RNF217: variants seen among roughly 807,000 people sequenced by gnomAD.
RNF217 encodes E3 ubiquitin-protein ligase RNF217.
Under a neutral mutation model 57.8 loss-of-function variants are expected in RNF217, and 31 were observed. The ratio of observed to expected loss-of-function variants is 0.54; its 90% CI spans 0.40 to 0.72. The LOEUF (loss-of-function observed/expected upper bound fraction) is 0.72, where lower values mean the gene tolerates loss of function less well. RNF217 is among the 30% of genes least tolerant of loss of function. RNF217 has a pLI of 0.00. For missense variants in RNF217, 696 were observed against 708.3 expected (o/e 0.98, Z 0.20); for synonymous variants, 313 against 294.0 (o/e 1.06, Z -0.66).
chr6:124,995,306 A>G (rs1016279215), intron 1 of RNF217, among the ~76,000 whole-genome samples: 3 of 152,222 alleles, frequency 2.0e-5, no homozygotes, highest in African/African-American at 7.2e-5. Context: ...ACAATATTGA[A>G]GGCCATCCTG....
chr6:125,009,268 A>C, intron 1 of RNF217: 1 of 1,608,980 alleles, frequency 6.2e-7, no homozygotes, highest in Non-Finnish European at 8.5e-7. Context: ...AAACCAGTTC[A>C]AGAAAGGGAT....
chr6:125,037,646 C>T (rs1786694793), intron 1 of RNF217, among the ~76,000 whole-genome samples: 1 of 152,120 alleles, frequency 6.6e-6, no homozygotes, highest in South Asian at 2.1e-4. Context: ...GTGAGGCGGA[C>T]ATCAGTGAGT....
At chr6:125,046,794 T>A (rs1034869300) in intron 2 of RNF217, 40 of 358,526 alleles carry the variant, frequency 1.1e-4, no homozygotes, top group Non-Finnish European at 2.2e-4. Flanking sequence ...TGTAGGTTAG[T>A]CAAAGCTTCT....
chr6:125,005,402 A>T (rs768942521), intron 1 of RNF217, among the ~76,000 whole-genome samples: 1 of 152,228 alleles, frequency 6.6e-6, no homozygotes, highest in African/African-American at 2.4e-5. Context: ...CTTGCATAAC[A>T]TAAGGGTACA....
chr6:125,061,630 T>G (rs968382150), intron 3 of RNF217, among the ~76,000 whole-genome samples: 10 of 151,022 alleles, frequency 6.6e-5, no homozygotes, highest in Admixed American at 1.3e-4. Flanking sequence ...TAGGTTTTCG[T>G]TTTTTTTTAA....
chr6:124,977,623 G>T (rs1784014175), intron 1 of RNF217, among the ~76,000 whole-genome samples: 1 of 152,128 alleles, frequency 6.6e-6, no homozygotes, highest in South Asian at 2.1e-4. Context: ...GAGCTCTGTT[G>T]GTTTGCTTAG....
intron 3 of RNF217, among the ~76,000 whole-genome samples, chr6:125,068,853 A>T (rs1402494674): frequency 6.6e-6 from 1 of 152,160 alleles, no homozygotes; most frequent in Admixed American, 6.5e-5. Context: ...TTTGGTAAAT[A>T]TGAAAAGGTG....
chr6:125,006,775 C>G (rs1269173647), intron 1 of RNF217, among the ~76,000 whole-genome samples: 1 of 152,144 alleles, frequency 6.6e-6, no homozygotes, highest in Non-Finnish European at 1.5e-5. Context: ...ATGGTGAAAC[C>G]CCATCTCTAC....
intron 1 of RNF217, among the ~76,000 whole-genome samples, chr6:125,029,896 T>C (rs754719183): frequency 6.6e-6 from 1 of 152,110 alleles, no homozygotes; most frequent in Admixed American, 6.5e-5. Flanking sequence ...TAGGGCTTAG[T>C]TTACTTGGGA....
intron 4 of RNF217, among the ~76,000 whole-genome samples, chr6:125,077,065 T>TG (rs1453648828): frequency 6.6e-6 from 1 of 152,192 alleles, no homozygotes; most frequent in African/African-American, 2.4e-5. Flanking sequence ...TAATTTTGTT[T>TG]GAAAAAGCAG....
intron 1 of RNF217, among the ~76,000 whole-genome samples, chr6:124,975,998 G>C (rs1157387284): frequency 6.6e-6 from 1 of 151,676 alleles, no homozygotes; most frequent in Non-Finnish European, 1.5e-5. Flanking sequence ...AAAACAATAG[G>C]CTCCTAAAAT....
At chr6:124,987,089 A>G (rs2115031363) in intron 1 of RNF217, among the ~76,000 whole-genome samples, 1 of 152,282 alleles carries the variant, frequency 6.6e-6, no homozygotes, top group Admixed American at 6.5e-5. Flanking sequence ...GACGTTTTTT[A>G]TACGATTCTT....
chr6:125,074,491 T>A (rs1258801580), intron 3 of RNF217, among the ~76,000 whole-genome samples: 1 of 152,216 alleles, frequency 6.6e-6, no homozygotes, highest in African/African-American at 2.4e-5. Context: ...AATTGCAGTT[T>A]TATATTTTAG....
intron 1 of RNF217, among the ~76,000 whole-genome samples, chr6:124,974,329 C>A (rs1287894758): frequency 6.6e-6 from 1 of 152,126 alleles, no homozygotes; most frequent in African/African-American, 2.4e-5. Flanking sequence ...TTTGTCTTTT[C>A]AATCATTTAA....
chr6:124,963,462 C>T, intron 1 of RNF217, 36 bp downstream of exon 1: 1 of 1,436,010 alleles, frequency 7.0e-7, no homozygotes. Context: ...ATTTATCATT[C>T]CAAATCACTG....
At chr6:125,018,971 A>G (rs774331466) in intron 1 of RNF217, among the ~76,000 whole-genome samples, 64 of 152,288 alleles carry the variant, frequency 4.2e-4, no homozygotes, top group South Asian at 8.3e-4. Context: ...ATACACCTCC[A>G]GGCATAAAAC....
At chr6:125,082,407 T>C in intron 5 of RNF217, 1 of 1,531,374 alleles carries the variant, frequency 6.5e-7, no homozygotes. Flanking sequence ...GCAATGTGAG[T>C]TAGGACATTA....
At chr6:124,976,749 C>T (rs1016075090) in intron 1 of RNF217, among the ~76,000 whole-genome samples, 15 of 152,230 alleles carry the variant, frequency 9.9e-5, no homozygotes, top group African/African-American at 3.6e-4. Context: ...AAGTGATCCA[C>T]CTGCCTGGGC....
At chr6:125,014,262 A>G (rs997978217) in intron 1 of RNF217, among the ~76,000 whole-genome samples, 1 of 152,196 alleles carries the variant, frequency 6.6e-6, no homozygotes, top group African/African-American at 2.4e-5. Context: ...AGATTTTGGA[A>G]ATAGTGATAG....
Sources: gnomAD v4.1 joint callset for allele counts (sites outside exome capture counted in the v4.1 genomes callset) on GRCh38, gnomAD v4.1.1 for gene constraint, MANE v1.5 for transcripts, NCBI Gene and HGNC (gene_info 2026-07-23, HGNC 2026-07-21) for gene names.